GAS2: variants seen among roughly 807,000 people sequenced by gnomAD.
The protein encoded by GAS2 is growth arrest specific 2, also known as growth arrest-specific protein 2.
In GAS2, 20 loss-of-function variants were observed where a neutral mutation model predicts 37.5. That is an observed-to-expected ratio of 0.53 (90% CI 0.37 to 0.77). GAS2 has a LOEUF of 0.77. Among genes scored for constraint, GAS2 ranks in the 30% least tolerant of loss-of-function variants. The pLI is 0.00. For missense variants in GAS2, 336 were observed against 373.4 expected (o/e 0.90, Z 0.82); for synonymous variants, 144 against 132.2 (o/e 1.09, Z -0.61).
intron 7 of GAS2, among the ~76,000 whole-genome samples, chr11:22,780,618 A>G (rs1439401795): frequency 6.6e-6 from 1 of 151,776 alleles, no homozygotes; most frequent in African/African-American, 2.4e-5. Context: ...CCAATCAAGC[A>G]GTAGTTACTT....
intron 5 of GAS2, among the ~76,000 whole-genome samples, chr11:22,744,863 CA>C (rs1853294425): frequency 6.6e-6 from 1 of 151,882 alleles, no homozygotes; most frequent in African/African-American, 2.4e-5. Context: ...AAGAAGAAGT[CA>C]AATTATCTCC....
intron 6 of GAS2, among the ~76,000 whole-genome samples, chr11:22,750,215 G>C (rs1197664077): frequency 6.6e-6 from 1 of 152,030 alleles, no homozygotes; most frequent in Non-Finnish European, 1.5e-5. Flanking sequence ...TGTGAAAATA[G>C]GCAGAACTGA....
intron 7 of GAS2, among the ~76,000 whole-genome samples, chr11:22,756,405 CAG>C (rs1206807622): frequency 6.6e-6 from 1 of 152,002 alleles, no homozygotes; most frequent in Admixed American, 6.6e-5. Flanking sequence ...TCTAAAGGAA[CAG>C]AGGTTGTGAT....
At chr11:22,696,565 T>C (rs1432570280) in intron 3 of GAS2, among the ~76,000 whole-genome samples, 3 of 151,976 alleles carry the variant, frequency 2.0e-5, no homozygotes, top group Non-Finnish European at 4.4e-5. Flanking sequence ...ACCAACAGTG[T>C]AAAAGTGTTC....
intron 1 of GAS2, among the ~76,000 whole-genome samples, chr11:22,674,488 T>A (rs1179807614): frequency 6.6e-6 from 1 of 152,230 alleles, no homozygotes; most frequent in Non-Finnish European, 1.5e-5. Context: ...TGGTTTTAAA[T>A]AGCCCAAACA....
At chr11:22,714,454 A>C (rs1006287310) in intron 3 of GAS2, among the ~76,000 whole-genome samples, 2 of 152,308 alleles carry the variant, frequency 1.3e-5, no homozygotes, top group Admixed American at 1.3e-4. Context: ...CACTGACAGC[A>C]CTAGATAGAT....
chr11:22,697,323 A>G lies in GAS2; in HGVS notation c.267+11534A>G, dbSNP rs1410655442. On this transcript the variant is annotated intron_variant, in intron 3 of 7. Transcript: ENST00000454584. ...TCTATATCTCTGTTTTGGTACCAGT[A>G]CCATGCTGTTTTGGTTACTGTAGCC... Among the ~76,000 whole-genome samples, 9 of 152,146 alleles carry G rather than the reference A, an allele frequency of 5.9e-5. No homozygotes were observed. The East Asian group carries it at 1.5e-3, about 26-fold the overall frequency.
chr11:22,676,269 C>T (rs376009874), intron 2 of GAS2, among the ~76,000 whole-genome samples: 22 of 152,126 alleles, frequency 1.4e-4, no homozygotes, highest in African/African-American at 4.6e-4. Context: ...TGCCTTTTAT[C>T]TCCATCAAGG....
At chr11:22,728,839 A>C (rs760338505) in intron 4 of GAS2, among the ~76,000 whole-genome samples, 8 of 151,290 alleles carry the variant, frequency 5.3e-5, no homozygotes, top group Non-Finnish European at 1.2e-4. Context: ...GACAATAAGA[A>C]GTTCCATTTC....
chr11:22,703,793 A>G (rs1185375137), intron 3 of GAS2, among the ~76,000 whole-genome samples: 1 of 152,140 alleles, frequency 6.6e-6, no homozygotes, highest in African/African-American at 2.4e-5. Context: ...CTATTGTTTG[A>G]CTTAGCAGTT....
intron 4 of GAS2, among the ~76,000 whole-genome samples, chr11:22,736,378 A>G (rs1016433049): frequency 4.6e-5 from 7 of 151,988 alleles, no homozygotes; most frequent in African/African-American, 1.4e-4. Flanking sequence ...TGCAATTCAG[A>G]TTTTCCATAA....
chr11:22,737,286 C>A (rs957057128), intron 4 of GAS2, among the ~76,000 whole-genome samples: 3 of 151,998 alleles, frequency 2.0e-5, no homozygotes, highest in Non-Finnish European at 2.9e-5. Context: ...TGGAGGTAGG[C>A]CCATGATATT....
At chr11:22,759,315 G>A (rs554047314) in intron 7 of GAS2, among the ~76,000 whole-genome samples, 2 of 152,086 alleles carry the variant, frequency 1.3e-5, no homozygotes, top group African/African-American at 4.8e-5. Context: ...TATTAATAGA[G>A]GCATCTATGT....
chr11:22,749,072 G>T (rs758976490), intron 5 of GAS2, 48 bp from the exon 6 acceptor site: 4 of 1,514,668 alleles, frequency 2.6e-6, no homozygotes, highest in Non-Finnish European at 3.6e-6. Context: ...TATGGTAATT[G>T]TATCATTATA....
chr11:22,746,293 G>A (rs1193105584), intron 5 of GAS2, among the ~76,000 whole-genome samples: 1 of 152,184 alleles, frequency 6.6e-6, no homozygotes, highest in East Asian at 1.9e-4. Context: ...AGCCACTGAG[G>A]AAAGCAGTTT....
chr11:22,754,290 C>A (rs1447839283), intron 6 of GAS2, among the ~76,000 whole-genome samples: 1 of 152,012 alleles, frequency 6.6e-6, no homozygotes, highest in Non-Finnish European at 1.5e-5. Flanking sequence ...TTAAGATGTG[C>A]TTTACATCAA....
intron 6 of GAS2, 70 bp downstream of exon 6, chr11:22,749,331 A>G (rs1853600914): frequency 7.3e-7 from 1 of 1,376,622 alleles, no homozygotes; most frequent in African/African-American, 1.5e-5. Context: ...ATTCTGTGCA[A>G]TCTCGTATCA....
chr11:22,732,180 A>G (rs2134195985), intron 4 of GAS2, among the ~76,000 whole-genome samples: 1 of 151,902 alleles, frequency 6.6e-6, no homozygotes, highest in African/African-American at 2.4e-5. Flanking sequence ...AAGCAAAAGG[A>G]AAAAATATAT....
chr11:22,756,858 A>G (rs1399023102), intron 7 of GAS2, among the ~76,000 whole-genome samples: 1 of 152,146 alleles, frequency 6.6e-6, no homozygotes, highest in East Asian at 1.9e-4. Flanking sequence ...AGATGGCCTC[A>G]CTAGGAAAGG....
Sources: allele counts gnomAD v4.1 joint callset (sites outside exome capture counted in the v4.1 genomes callset), GRCh38; gene constraint gnomAD v4.1.1; transcripts MANE v1.5; gene names NCBI Gene and HGNC (gene_info 2026-07-23, HGNC 2026-07-21).